The following ASTN1 variants were observed in gnomAD, a reference collection of about 807,000 sequenced individuals.
The protein encoded by ASTN1 is astrotactin-1.
A neutral mutation model predicts 140.7 loss-of-function variants in ASTN1; 41 were observed. The observed-to-expected ratio is 0.29, with a 90% CI of 0.23 to 0.38. ASTN1 has a LOEUF of 0.38. Ranked by LOEUF, ASTN1 falls within the 10% of genes least tolerant of loss-of-function variation. The probability of loss-of-function intolerance (pLI) is 1.00; values close to 1 mark genes in which losing one functional copy is unlikely to be tolerated. For missense variants in ASTN1, 1,479 were observed against 1,678.8 expected, an observed-to-expected ratio of 0.88 and a Z score of 2.08; for synonymous variants, 640 against 652.2, an observed-to-expected ratio of 0.98 and a Z score of 0.29.
rs536855792 is a variant in ASTN1 at position 177,115,530 on chromosome 1, G to A, written c.283+48864C>T. Reference sequence around the variant, plus strand: ...AAATTAGCCAGGTGTGCTAGTGCACGCCTATAATCATAGCTACTCGGGGGA... The same window carrying A: ...AAATTAGCCAGGTGTGCTAGTGCACACCTATAATCATAGCTACTCGGGGGA... On this transcript the variant is annotated intron_variant, in intron 1 of 22. Coordinates refer to ENST00000361833, the MANE Select transcript of ASTN1 (RefSeq NM_004319.3). Among the ~76,000 whole-genome samples the A allele has an allele frequency of 7.9e-5, 12 of 152,012 alleles. No individual in the cohort carries two copies. The South Asian group carries it at 1.5e-3, about 18-fold the overall frequency.
At chr1:177,149,146 TGCATATATATAGTGTATATATAGTAA>T (rs1558130493) in intron 1 of ASTN1, among the ~76,000 whole-genome samples, 1 of 108,512 alleles carries the variant, frequency 9.2e-6, no homozygotes, top group African/African-American at 4.9e-5. Flanking sequence ...ATATATATAG[TGCATATATATAGTGTATATATAGTAA>T]ATATATAGTG....
chr1:177,098,491 G>A (rs1432305211), intron 1 of ASTN1, among the ~76,000 whole-genome samples: 2 of 152,078 alleles, frequency 1.3e-5, no homozygotes, highest in East Asian at 3.9e-4. Context: ...CTCCAGATCA[G>A]TCACCTTGCT....
At chr1:176,936,119 G>T in intron 15 of ASTN1, 147 bp downstream of exon 15, 1 of 738,638 alleles carries the variant, frequency 1.4e-6, no homozygotes, top group Non-Finnish European at 2.4e-6. Flanking sequence ...TGCTCTTCTG[G>T]ATAAATCTGA....
intron 8 of ASTN1, among the ~76,000 whole-genome samples, 182 bp from the exon 9 acceptor site, chr1:176,965,419 C>T (rs1021786108): frequency 1.1e-4 from 17 of 152,122 alleles, no homozygotes; most frequent in Admixed American, 9.8e-4. Flanking sequence ...TGACGAAGAA[C>T]ACGATAAATG....
chr1:176,974,004 C>T (rs1673253654), intron 8 of ASTN1, among the ~76,000 whole-genome samples: 1 of 152,200 alleles, frequency 6.6e-6, no homozygotes. Flanking sequence ...GTATATGCCA[C>T]AAAAACATGA....
chr1:176,877,877 T>A (rs898443650), intron 20 of ASTN1, among the ~76,000 whole-genome samples: 6 of 152,154 alleles, frequency 3.9e-5, no homozygotes, highest in African/African-American at 1.4e-4. Context: ...AATGTCAGCT[T>A]GGCATGGAAC....
intron 1 of ASTN1, among the ~76,000 whole-genome samples, chr1:177,090,318 C>T (rs922023543): frequency 2.6e-5 from 4 of 151,824 alleles, no homozygotes; most frequent in Non-Finnish European, 5.9e-5. Flanking sequence ...ATTAATTGAG[C>T]ATATGCAACA....
At position 176,862,994 on chromosome 1, in the gene ASTN1, C is replaced by T; in HGVS notation, c.*1290G>A. ...TTGTGTGGGACAGCTAAGGCCATTG[C>T]TAGTCAACAGGGCCTTGCCAGGCTC... On this transcript the variant is annotated 3_prime_UTR_variant, in exon 23 of 23. Transcript: ENST00000361833. 1.0e-6 allele frequency: 1 copy of T among 985,466 alleles called. No homozygotes were observed. The highest frequency in any genetic ancestry group is 1.2e-6 in the Non-Finnish European group (1 of 829,944). 61.0% of individuals were successfully genotyped at this position (985,466 alleles called of 1,614,324 possible).
chr1:176,926,646 A>T (rs1670983430), intron 16 of ASTN1, among the ~76,000 whole-genome samples: 1 of 152,312 alleles, frequency 6.6e-6, no homozygotes, highest in East Asian at 1.9e-4. Context: ...TTTAGAGAAA[A>T]TAACTGTATG....
chr1:177,129,886 G>C (rs537614130), intron 1 of ASTN1, among the ~76,000 whole-genome samples: 3 of 152,186 alleles, frequency 2.0e-5, no homozygotes, highest in Non-Finnish European at 4.4e-5. Context: ...AGAATCACTT[G>C]AACCCAGGAG....
intron 7 of ASTN1, among the ~76,000 whole-genome samples, chr1:177,015,444 G>T (rs1258139152): frequency 6.6e-6 from 1 of 152,178 alleles, no homozygotes; most frequent in Non-Finnish European, 1.5e-5. Flanking sequence ...ATGCCAGGCT[G>T]CTAGCTCATA....
chr1:176,978,767 A>G (rs1673477213), intron 8 of ASTN1, among the ~76,000 whole-genome samples: 1 of 152,176 alleles, frequency 6.6e-6, no homozygotes, highest in Non-Finnish European at 1.5e-5. Flanking sequence ...GGCAAGTACA[A>G]AGATAAAGAC....
intron 18 of ASTN1, among the ~76,000 whole-genome samples, chr1:176,885,094 C>A (rs1174896502): frequency 6.6e-6 from 1 of 152,154 alleles, no homozygotes; most frequent in Non-Finnish European, 1.5e-5. Flanking sequence ...TCATAGGGGG[C>A]TTTACTGGAC....
chr1:176,865,398 A>C (rs151336688), intron 22 of ASTN1, among the ~76,000 whole-genome samples: 1 of 152,242 alleles, frequency 6.6e-6, no homozygotes, highest in East Asian at 1.9e-4. Flanking sequence ...GACCAGTGGC[A>C]CTCACTTCTG....
chr1:176,984,290 G>A (rs967207091), intron 8 of ASTN1, among the ~76,000 whole-genome samples: 1 of 152,232 alleles, frequency 6.6e-6, no homozygotes, highest in Admixed American at 6.5e-5. Flanking sequence ...CCATTCTGCA[G>A]TACATGGCTT....
chr1:177,114,574 C>T (rs1392046240), intron 1 of ASTN1, among the ~76,000 whole-genome samples: 2 of 152,152 alleles, frequency 1.3e-5, no homozygotes, highest in African/African-American at 2.4e-5. Context: ...CACAATATTA[C>T]AACCAGGTGA....
At chr1:176,892,024 C>A (rs146173355) in intron 17 of ASTN1, among the ~76,000 whole-genome samples, 1 of 151,872 alleles carries the variant, frequency 6.6e-6, no homozygotes, top group Non-Finnish European at 1.5e-5. Flanking sequence ...ATTCTTGGGA[C>A]AGAGAGTTTG....
At chr1:176,876,730 TG>T in intron 20 of ASTN1, 93 bp from the exon 21 acceptor site, 1 of 1,212,560 alleles carries the variant, frequency 8.2e-7, no homozygotes, top group Non-Finnish European at 1.2e-6. Context: ...TCTGCCTGAA[TG>T]GGTGGCTATG....
intron 16 of ASTN1, among the ~76,000 whole-genome samples, chr1:176,924,266 G>A (rs959879199): frequency 4.6e-5 from 7 of 152,106 alleles, no homozygotes; most frequent in African/African-American, 1.7e-4. Context: ...ATTATTCTAG[G>A]AGCTATGGGA....
Sources: allele counts gnomAD v4.1 joint callset (sites outside exome capture counted in the v4.1 genomes callset), GRCh38; gene constraint gnomAD v4.1.1; transcripts MANE v1.5; gene names NCBI Gene and HGNC (gene_info 2026-07-23, HGNC 2026-07-21).